The following TESC variants were observed in gnomAD, a reference collection of about 807,000 sequenced individuals.
TESC encodes the protein tescalcin.
TESC carries 19 observed loss-of-function variants against 31.0 expected under a neutral mutation model. That is an observed-to-expected ratio of 0.61 (90% confidence interval 0.43 to 0.90). TESC has a LOEUF of 0.90. TESC is among the 40% of genes least tolerant of loss of function. TESC has a pLI of 0.00. For missense variants in TESC, 248 were observed against 303.8 expected (o/e 0.82, Z 1.36); for synonymous variants, 109 against 114.8 (o/e 0.95, Z 0.32).
chr12:117,071,899 C>T (rs151026777), intron 2 of TESC, among the ~76,000 whole-genome samples: 3 of 152,240 alleles, frequency 2.0e-5, no homozygotes, highest in South Asian at 2.1e-4. Flanking sequence ...TGCTGGGCAA[C>T]GGAGGCACTT....
At chr12:117,049,429 T>A (rs1302505212) in intron 3 of TESC, among the ~76,000 whole-genome samples, 1 of 151,984 alleles carries the variant, frequency 6.6e-6, no homozygotes, top group East Asian at 1.9e-4. Context: ...ATTCAGGCGG[T>A]GACAGAGGGA....
chr12:117,093,168 G>T (rs1363019195), intron 1 of TESC, among the ~76,000 whole-genome samples: 1 of 152,158 alleles, frequency 6.6e-6, no homozygotes, highest in African/African-American at 2.4e-5. Flanking sequence ...TGTCCCCCTG[G>T]AACCCCTGAG....
intron 1 of TESC, among the ~76,000 whole-genome samples, chr12:117,090,142 C>T (rs1164723211): frequency 1.3e-5 from 2 of 151,868 alleles, no homozygotes; most frequent in Non-Finnish European, 2.9e-5. Flanking sequence ...GTTTACAACT[C>T]ACAGAGCCTC....
Position 117,046,713 on chromosome 12 carries a change from G to A in TESC, c.412-47C>T, listed in dbSNP as rs1184412663. 3.2e-6 allele frequency: 5 copies of A among 1,552,596 alleles called. No homozygotes were observed. In the South Asian group the frequency reaches 5.9e-5, roughly 18 times the overall value. ...AACGGTGACCTTGGGCCTCCATCAG[G>A]GTCGTGGGGGGCAGAGGGGGAAGGC... On this transcript the variant is annotated intron_variant, in intron 5 of 7. Transcript: ENST00000335209.
chr12:117,051,221 C>T (rs1433472963), intron 3 of TESC, among the ~76,000 whole-genome samples: 1 of 152,242 alleles, frequency 6.6e-6, no homozygotes, highest in Admixed American at 6.5e-5. Flanking sequence ...GTTTGCAATT[C>T]TCTCTTTAGA....
chr12:117,047,144 G>A (rs1391921433), intron 4 of TESC, among the ~76,000 whole-genome samples: 2 of 152,230 alleles, frequency 1.3e-5, no homozygotes, highest in Non-Finnish European at 2.9e-5. Context: ...CAACTGCCCC[G>A]TGAGCATGAA....
chr12:117,080,109 G>C (rs11068323), intron 1 of TESC, among the ~76,000 whole-genome samples: 12,671 of 152,086 alleles, frequency 0.083, 773 homozygotes, highest in Non-Finnish European at 0.11. Context: ...CCACAGCTAG[G>C]AAGAGGTATA....
chr12:117,039,526 C>G (rs1954450853), intron 7 of TESC, among the ~76,000 whole-genome samples: 2 of 152,236 alleles, frequency 1.3e-5, no homozygotes, highest in Non-Finnish European at 2.9e-5. Context: ...ACTTCAGGTT[C>G]TGTGATTTTC....
At chr12:117,060,582 C>T (rs1421004697) in intron 2 of TESC, among the ~76,000 whole-genome samples, 1 of 152,174 alleles carries the variant, frequency 6.6e-6, no homozygotes, top group African/African-American at 2.4e-5. Flanking sequence ...AGCTACAGCT[C>T]ACAACCGTGC....
At chr12:117,048,840 C>T (rs1382784193) in intron 4 of TESC, 179 bp downstream of exon 4, 9 of 957,914 alleles carry the variant, frequency 9.4e-6, no homozygotes, top group East Asian at 5.3e-5. Flanking sequence ...ATGAAGGTGC[C>T]GGGAACGGGA....
At chr12:117,039,984 C>T (rs1000471850) in intron 7 of TESC, among the ~76,000 whole-genome samples, 14 of 152,216 alleles carry the variant, frequency 9.2e-5, no homozygotes, top group African/African-American at 3.4e-4. Flanking sequence ...GGGGGGGTGC[C>T]AACAGGAACG....
chr12:117,080,054 C>G (rs2135791142), intron 1 of TESC, among the ~76,000 whole-genome samples: 1 of 152,284 alleles, frequency 6.6e-6, no homozygotes, highest in African/African-American at 2.4e-5. Context: ...AGGTATGATT[C>G]TACGCCCATT....
intron 1 of TESC, among the ~76,000 whole-genome samples, chr12:117,096,355 C>A (rs1181574433): frequency 1.3e-5 from 2 of 152,168 alleles, no homozygotes; most frequent in Non-Finnish European, 2.9e-5. Context: ...AAGGGCCCTG[C>A]CTGACCCACT....
chr12:117,062,187 A>C (rs1954808416), intron 2 of TESC, among the ~76,000 whole-genome samples: 1 of 152,108 alleles, frequency 6.6e-6, no homozygotes. Context: ...GTTCACAACA[A>C]CCCTATAAAG....
At chr12:117,039,346 G>C (rs1295521601) in intron 7 of TESC, 136 bp from the exon 8 acceptor site, 10 of 812,696 alleles carry the variant, frequency 1.2e-5, no homozygotes, top group Non-Finnish European at 2.0e-5. Flanking sequence ...GAAAACCAGA[G>C]GGCTGTGTTT....
At chr12:117,075,517 T>G (rs531883828) in intron 1 of TESC, among the ~76,000 whole-genome samples, 177 bp from the exon 2 acceptor site, 1 of 152,188 alleles carries the variant, frequency 6.6e-6, no homozygotes, top group Non-Finnish European at 1.5e-5. Flanking sequence ...GGATTTCCCG[T>G]TCTTCCCAGA....
At chr12:117,094,884 C>T (rs572006272) in intron 1 of TESC, among the ~76,000 whole-genome samples, 1 of 151,502 alleles carries the variant, frequency 6.6e-6, no homozygotes, top group Non-Finnish European at 1.5e-5. Flanking sequence ...AGCATGGTGG[C>T]GGGCACCTGT....
intron 1 of TESC, among the ~76,000 whole-genome samples, chr12:117,077,982 C>T (rs1471630990): frequency 6.6e-6 from 1 of 152,026 alleles, no homozygotes; most frequent in Non-Finnish European, 1.5e-5. Context: ...TGTTATTCCT[C>T]CCTGACTAAA....
intron 4 of TESC, 87 bp from the exon 5 acceptor site, chr12:117,046,925 AC>A (rs1954575838): frequency 1.4e-6 from 2 of 1,403,182 alleles, no homozygotes; most frequent in Non-Finnish European, 1.9e-6. Context: ...TAAGCAAAAG[AC>A]ACCAATAACC....
Sources: allele counts gnomAD v4.1 joint callset (sites outside exome capture counted in the v4.1 genomes callset), GRCh38; gene constraint gnomAD v4.1.1; transcripts MANE v1.5; gene names NCBI Gene and HGNC (gene_info 2026-07-23, HGNC 2026-07-21).